DENND2B: variants seen among roughly 807,000 people sequenced by gnomAD.
DENND2B encodes the protein DENN domain containing 2B.
Under a neutral mutation model 116.0 loss-of-function variants are expected in DENND2B, and 32 were observed. The ratio of observed to expected loss-of-function variants is 0.28; its 90% confidence interval spans 0.21 to 0.37. DENND2B has a LOEUF of 0.37. Ranked by LOEUF, DENND2B falls within the 10% of genes least tolerant of loss-of-function variation. The probability of loss-of-function intolerance (pLI) is 1.00; values close to 1 mark genes in which losing one functional copy is unlikely to be tolerated. For synonymous variants in DENND2B, 588 were observed against 583.9 expected (o/e 1.01, Z -0.10); for missense variants, 1,276 against 1,477.7 (o/e 0.86, Z 2.24).
At position 8,750,736 on chromosome 11, in the gene DENND2B, G is replaced by A. The variant is rs771148016; in HGVS notation, c.-25-11C>T. 11 of 1,613,430 alleles carry A rather than the reference G, an allele frequency of 6.8e-6. No homozygotes were observed. The highest frequency in any genetic ancestry group is 3.3e-5 in the Admixed American group (2 of 59,964). ...TGCAAACCCAGAGCCCTGCAAAGAC[G>A]ACAATGCCGGTAAGCCAAGTTTCTA... is the stretch of plus-strand genomic sequence containing the variant. On this transcript the variant is annotated splice_polypyrimidine_tract_variant and intron_variant, in intron 1 of 19. Transcript: ENST00000313726.
intron 14 of DENND2B, among the ~76,000 whole-genome samples, chr11:8,700,164 T>G (rs975648103): frequency 3.9e-5 from 6 of 152,056 alleles, no homozygotes; most frequent in Admixed American, 2.0e-4. Flanking sequence ...TAGGGGCCAC[T>G]AAGGTCAGGC....
rs1158029745 is a variant in DENND2B at position 8,702,765 on chromosome 11, G to C, written c.2572-45C>G. ...AAGTGGGCCGGGGCCAGCCAAGTGGGTGCTGCCCTCTGGCCCTCCACGAAG... is the reference window on the plus strand; with the variant it reads ...AAGTGGGCCGGGGCCAGCCAAGTGGCTGCTGCCCTCTGGCCCTCCACGAAG... On this transcript the variant is annotated intron_variant, in intron 13 of 19. Transcript: ENST00000313726. This position sits in a 1 kb window ranked among gnomAD's most constrained non-coding sequence, Gnocchi z 4.6. 6.3e-7 allele frequency: 1 copy of C among 1,599,758 alleles called. No homozygotes were observed. The highest frequency in any genetic ancestry group is 2.2e-5 in the East Asian group (1 of 44,656).
chr11:8,733,898 A>T (rs1214646476), intron 2 of DENND2B, among the ~76,000 whole-genome samples: 1 of 152,234 alleles, frequency 6.6e-6, no homozygotes, highest in Non-Finnish European at 1.5e-5. Flanking sequence ...TAAAATAGAG[A>T]GTAGACTGGC....
At chr11:8,802,471 T>C (rs1444536041) in intron 1 of DENND2B, among the ~76,000 whole-genome samples, 3 of 152,138 alleles carry the variant, frequency 2.0e-5, no homozygotes, top group Admixed American at 6.6e-5. Flanking sequence ...CTGCCTCAAT[T>C]TTACGGAAGA....
chr11:8,891,426 A>C (rs2064031570), intron 1 of DENND2B, among the ~76,000 whole-genome samples: 1 of 152,250 alleles, frequency 6.6e-6, no homozygotes, highest in African/African-American at 2.4e-5. Context: ...AAATGTGCCA[A>C]TTAAAAGACA....
chr11:8,854,675 A>G (rs2063133204), intron 3 of DENND2B, among the ~76,000 whole-genome samples: 1 of 152,206 alleles, frequency 6.6e-6, no homozygotes, highest in Non-Finnish European at 1.5e-5. Context: ...CAGGAGTTCA[A>G]GACCAGCCTG....
intron 1 of DENND2B, among the ~76,000 whole-genome samples, chr11:8,772,108 C>T (rs545299238): frequency 4.1e-5 from 6 of 146,752 alleles, no homozygotes; most frequent in African/African-American, 1.5e-4. Flanking sequence ...GTGGTGCACC[C>T]TGAGAGGGAA....
chr11:8,906,943 C>G (rs1189247599), intron 1 of DENND2B, among the ~76,000 whole-genome samples: 2 of 152,282 alleles, frequency 1.3e-5, no homozygotes, highest in African/African-American at 4.8e-5. Context: ...CACTGTCTAA[C>G]TCTGGCACAG....
intron 1 of DENND2B, among the ~76,000 whole-genome samples, chr11:8,887,832 C>T (rs1477274207): frequency 6.6e-6 from 1 of 152,184 alleles, no homozygotes; most frequent in African/African-American, 2.4e-5. Context: ...TTTGAGCCAC[C>T]TCAACCCTGA....
At chr11:8,821,368 C>G (rs902794998) in intron 4 of DENND2B, among the ~76,000 whole-genome samples, 2 of 151,144 alleles carry the variant, frequency 1.3e-5, no homozygotes, top group African/African-American at 4.9e-5. Flanking sequence ...GTGGGAGGAT[C>G]TCTTGAGACC....
intron 4 of DENND2B, among the ~76,000 whole-genome samples, chr11:8,836,220 A>G (rs2062419693): frequency 6.6e-6 from 1 of 151,500 alleles, no homozygotes; most frequent in African/African-American, 2.4e-5. Context: ...GCAAAATAAC[A>G]GAGAAGTCCT....
At chr11:8,857,256 C>A (rs2568055) in intron 3 of DENND2B, 1 of 152,138 alleles carries the variant, frequency 6.6e-6, no homozygotes, top group Non-Finnish European at 1.5e-5. Flanking sequence ...CTGATAATTT[C>A]ATGTCATCTT....
At chr11:8,821,361 G>C (rs2061756530) in intron 4 of DENND2B, among the ~76,000 whole-genome samples, 1 of 151,090 alleles carries the variant, frequency 6.6e-6, no homozygotes, top group Non-Finnish European at 1.5e-5. Context: ...GGCCAAGGTG[G>C]GAGGATCTCT....
At chr11:8,754,029 G>GCGCGCGCGCGCGCGCACACACA (rs146486674) in intron 1 of DENND2B, among the ~76,000 whole-genome samples, 2 of 138,734 alleles carry the variant, frequency 1.4e-5, no homozygotes, top group African/African-American at 5.5e-5. Flanking sequence ...CCAAAAGCGC[G>GCGCGCGCGCGCGCGCACACACA]CACACACACA....
rs996983101 is a variant in DENND2B at position 8,698,839 on chromosome 11, G to C, written c.2940+94C>G. On this transcript the variant is annotated intron_variant, in intron 16 of 19. Coordinates refer to ENST00000313726, the MANE Select transcript of DENND2B (RefSeq NM_213618.2). ...CTGTGAGTAGTACTGAACCCAGAGA[G>C]AGAGCTCAACAAACAGGTTGTGAAG... 4.1e-6 allele frequency: 6 copies of C among 1,456,588 alleles called. No individual in the cohort carries two copies. The Admixed American group carries it at 6.7e-5, about 16-fold the overall frequency. 90.2% of individuals were successfully genotyped at this position (1,456,588 alleles called of 1,614,324 possible).
intron 18 of DENND2B, among the ~76,000 whole-genome samples, 156 bp downstream of exon 18, chr11:8,696,271 G>A (rs1300544387): frequency 6.6e-6 from 1 of 152,182 alleles, no homozygotes; most frequent in Non-Finnish European, 1.5e-5. Flanking sequence ...TGGGGCCGGA[G>A]GAGAAGAATG....
chr11:8,848,639 G>T (rs1191915131), intron 3 of DENND2B, among the ~76,000 whole-genome samples: 1 of 152,150 alleles, frequency 6.6e-6, no homozygotes, highest in East Asian at 1.9e-4. Context: ...ATAACATAAT[G>T]TCCAGGAATG....
chr11:8,695,366 C>T, intron 19 of DENND2B, 97 bp downstream of exon 19: 1 of 1,131,226 alleles, frequency 8.8e-7, no homozygotes. Context: ...CCCAGTATAA[C>T]ACCTGTTGAC....
At chr11:8,879,134 T>G (rs755441951) in intron 2 of DENND2B, among the ~76,000 whole-genome samples, 1 of 152,230 alleles carries the variant, frequency 6.6e-6, no homozygotes, top group Non-Finnish European at 1.5e-5. Context: ...ACTGTGCAGT[T>G]AGGCAGGGCC....
Sources: allele counts gnomAD v4.1 joint callset (sites outside exome capture counted in the v4.1 genomes callset), GRCh38; gene constraint gnomAD v4.1.1; non-coding constraint Gnocchi (gnomAD v3.1); transcripts MANE v1.5; gene names NCBI Gene and HGNC (gene_info 2026-07-23, HGNC 2026-07-21).